Variants in ATP8A2 observed in about 807,000 individuals in gnomAD.
ATP8A2 encodes the protein phospholipid-transporting ATPase IB.
A neutral mutation model predicts 165.6 loss-of-function variants in ATP8A2; 100 were observed. The ratio of observed to expected loss-of-function variants is 0.60; its 90% CI spans 0.51 to 0.71. ATP8A2 has a LOEUF of 0.71. Among genes scored for constraint, ATP8A2 ranks in the 30% least tolerant of loss-of-function variants. ATP8A2 has a pLI of 0.00. For synonymous variants in ATP8A2, 543 were observed against 548.8 expected (o/e 0.99, Z 0.15); for missense variants, 1,227 against 1,479.5 (o/e 0.83, Z 2.80).
chr13:25,392,086 A>G (rs1464550987), intron 1 of ATP8A2, among the ~76,000 whole-genome samples: 1 of 152,200 alleles, frequency 6.6e-6, no homozygotes, highest in African/African-American at 2.4e-5. Flanking sequence ...ACCCTGGTCA[A>G]CAGAAGCTCT....
At chr13:25,728,686 AG>A (rs942926074) in intron 25 of ATP8A2, among the ~76,000 whole-genome samples, 1 of 152,040 alleles carries the variant, frequency 6.6e-6, no homozygotes, top group Non-Finnish European at 1.5e-5. Context: ...GGTTTTGAGA[AG>A]GGGGGAGCAC....
At chr13:25,814,555 C>T (rs1295951937) in intron 27 of ATP8A2, among the ~76,000 whole-genome samples, 1 of 150,206 alleles carries the variant, frequency 6.7e-6, no homozygotes, top group African/African-American at 2.5e-5. Flanking sequence ...GAATAGAGAG[C>T]CCAGAAGTAA....
At chr13:26,003,616 AC>A (rs1460539123) in intron 35 of ATP8A2, among the ~76,000 whole-genome samples, 1 of 152,072 alleles carries the variant, frequency 6.6e-6, no homozygotes, top group African/African-American at 2.4e-5. Context: ...AGTGTCATAG[AC>A]CTTTCCCCTA....
intron 10 of ATP8A2, among the ~76,000 whole-genome samples, chr13:25,548,638 A>G (rs1285725718): frequency 6.6e-6 from 1 of 152,212 alleles, no homozygotes; most frequent in African/African-American, 2.4e-5. Context: ...ACCTTGATAC[A>G]GTATTTGATT....
intron 33 of ATP8A2, among the ~76,000 whole-genome samples, chr13:25,961,333 TA>T (rs1218596332): frequency 2.6e-5 from 4 of 152,080 alleles, no homozygotes; most frequent in Non-Finnish European, 5.9e-5. Context: ...TGAAGCACTT[TA>T]TAAAAGAGAG....
At chr13:25,755,128 T>A (rs1437690566) in intron 25 of ATP8A2, among the ~76,000 whole-genome samples, 1 of 152,228 alleles carries the variant, frequency 6.6e-6, no homozygotes, top group African/African-American at 2.4e-5. Context: ...TGTATTCGTA[T>A]GTTTGTAATT....
intron 2 of ATP8A2, among the ~76,000 whole-genome samples, chr13:25,517,473 A>G (rs923249432): frequency 6.6e-6 from 1 of 152,196 alleles, no homozygotes; most frequent in Non-Finnish European, 1.5e-5. Context: ...TTGTTGAATA[A>G]TGCATTGAGT....
intron 30 of ATP8A2, among the ~76,000 whole-genome samples, chr13:25,842,317 G>T (rs990919465): frequency 3.3e-5 from 5 of 152,302 alleles, no homozygotes; most frequent in African/African-American, 1.2e-4. Flanking sequence ...AAAGGTGAAA[G>T]ATGGGGAAAT....
At chr13:25,652,290 C>T (rs1396902107) in intron 24 of ATP8A2, among the ~76,000 whole-genome samples, 3 of 152,132 alleles carry the variant, frequency 2.0e-5, no homozygotes, top group Non-Finnish European at 4.4e-5. Context: ...GTTCCAGCGC[C>T]ATTCATTGAG....
At chr13:25,985,533 G>A (rs1046513296) in intron 35 of ATP8A2, among the ~76,000 whole-genome samples, 1 of 152,168 alleles carries the variant, frequency 6.6e-6, no homozygotes, top group African/African-American at 2.4e-5. Flanking sequence ...TAATTTGAAC[G>A]TCCCGCTGGG....
At chr13:25,541,447 C>T (rs1468962008) in intron 8 of ATP8A2, among the ~76,000 whole-genome samples, 3 of 152,116 alleles carry the variant, frequency 2.0e-5, no homozygotes, top group African/African-American at 7.2e-5. Flanking sequence ...CACTTGAGCT[C>T]AGGATTTTGA....
chr13:25,986,143 C>T (rs185611327), intron 35 of ATP8A2, among the ~76,000 whole-genome samples: 2 of 152,146 alleles, frequency 1.3e-5, no homozygotes. Flanking sequence ...GTTTGATAGA[C>T]GTATAGATTG....
At chr13:25,889,931 C>T (rs1953304833) in intron 33 of ATP8A2, among the ~76,000 whole-genome samples, 1 of 152,004 alleles carries the variant, frequency 6.6e-6, no homozygotes, top group South Asian at 2.1e-4. Context: ...GGAAGGCCAA[C>T]GCAGGCAGAT....
At chr13:25,807,281 T>G (rs1380941642) in intron 27 of ATP8A2, among the ~76,000 whole-genome samples, 1 of 152,140 alleles carries the variant, frequency 6.6e-6, no homozygotes, top group Admixed American at 6.5e-5. Flanking sequence ...TCAAAAAACT[T>G]TACTCCATTT....
chr13:25,504,790 CACTT>C (rs1159896616), intron 2 of ATP8A2, among the ~76,000 whole-genome samples: 1 of 149,314 alleles, frequency 6.7e-6, no homozygotes, highest in Middle Eastern at 3.3e-3. Context: ...CAGACAGAGT[CACTT>C]TATAGTGTGA....
At chr13:25,612,715 C>G (rs1159368717) in intron 24 of ATP8A2, among the ~76,000 whole-genome samples, 2 of 152,148 alleles carry the variant, frequency 1.3e-5, no homozygotes, top group African/African-American at 4.8e-5. Flanking sequence ...GATGATCTGT[C>G]TAATGCTGTC....
chr13:25,448,520 A>T (rs190854586), intron 1 of ATP8A2, among the ~76,000 whole-genome samples: 3 of 152,380 alleles, frequency 2.0e-5, no homozygotes, highest in African/African-American at 7.2e-5. Flanking sequence ...AAATGGTGTC[A>T]TATTTTATAA....
intron 33 of ATP8A2, among the ~76,000 whole-genome samples, chr13:25,942,177 T>G (rs1324409): frequency 0.42 from 63,551 of 152,032 alleles, 14,278 homozygotes; most frequent in African/African-American, 0.6. Flanking sequence ...TATATAAATT[T>G]GCCAAATTTT....
At chr13:25,445,845 G>A (rs2035053205) in intron 1 of ATP8A2, among the ~76,000 whole-genome samples, 1 of 152,164 alleles carries the variant, frequency 6.6e-6, no homozygotes, top group Non-Finnish European at 1.5e-5. Flanking sequence ...TGAGAACCCA[G>A]TGGTGGTCAT....
Sources: gnomAD v4.1 joint callset for allele counts (sites outside exome capture counted in the v4.1 genomes callset) on GRCh38, gnomAD v4.1.1 for gene constraint, MANE v1.5 for transcripts, NCBI Gene and HGNC (gene_info 2026-07-23, HGNC 2026-07-21) for gene names.